LONP2: variants seen among roughly 807,000 people sequenced by gnomAD.
The protein encoded by LONP2 is lon peptidase 2, peroxisomal, also known as lon protease homolog 2, peroxisomal.
In LONP2, 60 loss-of-function variants were observed where a neutral mutation model predicts 85.6. The ratio of observed to expected loss-of-function variants is 0.70; its 90% confidence interval spans 0.57 to 0.87. LONP2 has a LOEUF of 0.87. Ranked by LOEUF, LONP2 falls within the 40% of genes least tolerant of loss-of-function variation. The pLI is 0.00. For missense variants in LONP2, 860 were observed against 1,063.5 expected, an observed-to-expected ratio of 0.81 and a Z score of 2.66; for synonymous variants, 395 against 389.7, an observed-to-expected ratio of 1.01 and a Z score of -0.16.
At position 48,244,475 on chromosome 16, in the gene LONP2, G is replaced by A. The variant is rs773415637; in HGVS notation, c.87G>A (p.Met29Ile). The part of the protein sequence containing the change: ...HEGVLLPGST[M>I]RTSVDSARNL... ...GCGTCCTGCTGCCCGGCTCCACCAT[G>A]CGCACCAGCGTGGACTCGGCCCGCA... Residue 29 changes from methionine (M) to isoleucine (I), a missense_variant, in exon 1 of 15, where the codon ATG becomes ATA. Transcript: ENST00000285737. 3 of 1,598,814 alleles carry A rather than the reference G, an allele frequency of 1.9e-6. No homozygotes were observed. Among genetic ancestry groups the A allele is most frequent in the African/African-American group, 1.3e-5 (1 of 74,524 alleles).
intron 4 of LONP2, among the ~76,000 whole-genome samples, chr16:48,259,086 T>A (rs1161948196): frequency 6.6e-6 from 1 of 152,228 alleles, no homozygotes; most frequent in Non-Finnish European, 1.5e-5. Context: ...TACAAAACTC[T>A]TTCTTAAAAG....
At chr16:48,320,615 A>G in intron 11 of LONP2, among the ~76,000 whole-genome samples, 1 of 152,242 alleles carries the variant, frequency 6.6e-6, no homozygotes, top group East Asian at 1.9e-4. Flanking sequence ...GCTATGTCCA[A>G]ACTTCTAAAA....
Position 48,296,224 on chromosome 16 carries a change from T to C in LONP2, c.1534+59T>C, listed in dbSNP as rs373652557. The C allele has an allele frequency of 6.5e-6, 10 of 1,544,880 alleles. No homozygotes were observed. The African/African-American group carries it at 1.1e-4, about 17-fold the overall frequency. On this transcript the variant is annotated intron_variant, in intron 9 of 14. Coordinates refer to ENST00000285737, the MANE Select transcript of LONP2 (RefSeq NM_031490.5). ...GCCTTTCTGACCATAACTTTAAAAT[T>C]AGTTATGCTATGGAGTTTTGACTAA...
At chr16:48,310,893 CTT>C (rs1286977743) in intron 11 of LONP2, among the ~76,000 whole-genome samples, 2 of 152,156 alleles carry the variant, frequency 1.3e-5, no homozygotes, top group African/African-American at 4.8e-5. Context: ...CTGGGAAACA[CTT>C]TATTTCTCCT....
intron 10 of LONP2, among the ~76,000 whole-genome samples, chr16:48,302,251 G>C (rs1436769200): frequency 2.0e-5 from 3 of 152,138 alleles, no homozygotes; most frequent in Non-Finnish European, 4.4e-5. Flanking sequence ...ATTATACGTA[G>C]TTGCATAATA....
chr16:48,258,220 G>A (rs1176529525), intron 3 of LONP2, among the ~76,000 whole-genome samples: 1 of 151,992 alleles, frequency 6.6e-6, no homozygotes, highest in African/African-American at 2.4e-5. Flanking sequence ...GGTGTCGGGT[G>A]CCTGTAGTCC....
At chr16:48,306,047 C>G (rs1334446211) in intron 11 of LONP2, among the ~76,000 whole-genome samples, 5 of 152,082 alleles carry the variant, frequency 3.3e-5, no homozygotes, top group Non-Finnish European at 7.4e-5. Context: ...AAGTTAAGAC[C>G]TAGATCTAGA....
chr16:48,326,730 A>G (rs1202182572), intron 11 of LONP2, among the ~76,000 whole-genome samples: 2 of 151,920 alleles, frequency 1.3e-5, no homozygotes, highest in Non-Finnish European at 2.9e-5. Context: ...GAACTTTTTT[A>G]TTTTTTAACA....
chr16:48,246,278 A>G (rs1283106740), intron 1 of LONP2, among the ~76,000 whole-genome samples: 1 of 152,206 alleles, frequency 6.6e-6, no homozygotes, highest in African/African-American at 2.4e-5. Context: ...AATTGGTCAC[A>G]TTCCAAGTTT....
At chr16:48,318,607 A>C (rs562152787) in intron 11 of LONP2, among the ~76,000 whole-genome samples, 1 of 152,324 alleles carries the variant, frequency 6.6e-6, no homozygotes, top group East Asian at 1.9e-4. Flanking sequence ...TCATTCTCCC[A>C]CTTTACCACA....
At position 48,244,442 on chromosome 16, in the gene LONP2, C is replaced by T; in HGVS notation, c.54C>T (p.Thr18=). The part of the protein sequence containing the change: ...QIPSRLPLLL[T]HEGVLLPGST... ...CCAGTCGCCTCCCGCTGCTGCTCAC[C>T]CACGAGGGCGTCCTGCTGCCCGGCT... Residue 18 remains threonine, a synonymous_variant, in exon 1 of 15, where the codon ACC becomes ACT. Coordinates refer to ENST00000285737, the MANE Select transcript of LONP2 (RefSeq NM_031490.5). 8 of 1,595,068 alleles carry T rather than the reference C, an allele frequency of 5.0e-6. No homozygotes were observed. The highest frequency in any genetic ancestry group is 1.3e-5 in the African/African-American group (1 of 74,162).
Position 48,353,908 on chromosome 16 carries a change from G to T in LONP2, c.*2106G>T, listed in dbSNP as rs1430777225. On this transcript the variant is annotated 3_prime_UTR_variant, in exon 15 of 15. Coordinates refer to ENST00000285737, the MANE Select transcript of LONP2 (RefSeq NM_031490.5). ...TTGCTTTAAGCATATCTTTCGAAAG[G>T]CATCCATTGAGAGAATAATGCATTC... 2 of 151,930 alleles carry T rather than the reference G, an allele frequency of 1.3e-5. No individual in the cohort carries two copies. The highest frequency in any genetic ancestry group is 1.5e-5 in the Non-Finnish European group (1 of 68,004). The allele number at this position is 151,930 out of a possible 1,614,324, so 9.4% of individuals were successfully genotyped here. A position where few individuals can be genotyped will look rare whatever the true frequency, so the allele number is the denominator to read the frequency against.
At chr16:48,323,786 G>A (rs1290789710) in intron 11 of LONP2, among the ~76,000 whole-genome samples, 1 of 152,148 alleles carries the variant, frequency 6.6e-6, no homozygotes, top group Non-Finnish European at 1.5e-5. Context: ...GTAATCGTAA[G>A]GTTGTGTTGC....
chr16:48,249,998 C>T (rs985401536), intron 1 of LONP2, among the ~76,000 whole-genome samples: 3 of 151,992 alleles, frequency 2.0e-5, no homozygotes, highest in Non-Finnish European at 4.4e-5. Context: ...TCGAGACCAG[C>T]CTGGCCAACA....
rs199711327 is a variant in LONP2, at chr16:48,321,671, A to G, written c.1796-12545A>G. On this transcript the variant is annotated intron_variant, in intron 11 of 14. Transcript: ENST00000285737. Reference sequence around the variant, plus strand: ...ATCCTAGGCTATAAACTTCTACAGCATGTGACTATACTGAATACTGTAGGC... The same window carrying G: ...ATCCTAGGCTATAAACTTCTACAGCGTGTGACTATACTGAATACTGTAGGC... Among the ~76,000 whole-genome samples the G allele has an allele frequency of 1.6e-4, 25 of 152,364 alleles. 1 individual carries two copies. In the East Asian group the frequency reaches 4.8e-3, roughly 29 times the overall value.
At position 48,266,283 on chromosome 16, in the gene LONP2, A is replaced by G. The variant is rs141066221; in HGVS notation, c.982+3411A>G. ...GCCTCCCAAAGTGCTGGGATTACAA[A>G]CGTGAGCCACTGCGTCTGGCCCTTA... On this transcript the variant is annotated intron_variant, in intron 6 of 14. Transcript: ENST00000285737. Among the ~76,000 whole-genome samples, 1,028 of 150,718 alleles carry G rather than the reference A, an allele frequency of 6.8e-3. 9 individuals are homozygous for G. The highest frequency in any genetic ancestry group is 0.014 in the Middle Eastern group (4 of 284).
chr16:48,313,432 T>G lies in LONP2; in HGVS notation c.1795+10127T>G, dbSNP rs940320511. Reference sequence around the variant, plus strand: ...GCACAGATAATCCATCACCCAGGTATTAAGCCCAGCATCCATTAGCTATTC... The same window carrying G: ...GCACAGATAATCCATCACCCAGGTAGTAAGCCCAGCATCCATTAGCTATTC... On this transcript the variant is annotated intron_variant, in intron 11 of 14. Transcript: ENST00000285737. Among the ~76,000 whole-genome samples the G allele has an allele frequency of 2.6e-5, 4 of 152,268 alleles. No homozygotes were observed. The South Asian group carries it at 6.2e-4, about 24-fold the overall frequency.
rs1294100201 is a variant in LONP2 at position 48,354,523 on chromosome 16, A to G, written c.*2721A>G. The G allele has an allele frequency of 6.6e-6, 1 of 152,162 alleles. No homozygotes were observed. The highest frequency in any genetic ancestry group is 1.5e-5 in the Non-Finnish European group (1 of 68,104). 9.4% of individuals were successfully genotyped at this position (152,162 alleles called of 1,614,324 possible). The stretch of plus-strand genomic sequence containing the variant: ...CACACCCGGCTTACATGCATTTTTT[A>G]TCACCACAAACTGAAACTCTGTACC... On this transcript the variant is annotated 3_prime_UTR_variant, in exon 15 of 15. Coordinates refer to ENST00000285737, the MANE Select transcript of LONP2 (RefSeq NM_031490.5).
chr16:48,254,684 G>A (rs995765769), intron 2 of LONP2, among the ~76,000 whole-genome samples: 1 of 152,060 alleles, frequency 6.6e-6, no homozygotes, highest in Admixed American at 6.6e-5. Context: ...GGCTGTTAGC[G>A]CTCATCTCTG....
Sources: allele counts gnomAD v4.1 joint callset (sites outside exome capture counted in the v4.1 genomes callset), GRCh38; gene constraint gnomAD v4.1.1; transcripts MANE v1.5; gene names NCBI Gene and HGNC (gene_info 2026-07-23, HGNC 2026-07-21).